ARMC2: variants seen among roughly 807,000 people sequenced by gnomAD.
ARMC2 encodes armadillo repeat-containing protein 2.
In ARMC2, 67 loss-of-function variants were observed where a neutral mutation model predicts 90.3. The observed-to-expected ratio is 0.74, with a 90% CI of 0.61 to 0.91. ARMC2 has a LOEUF of 0.91. Ranked by LOEUF, ARMC2 falls within the 40% of genes least tolerant of loss-of-function variation. The pLI is 0.00. For synonymous variants in ARMC2, 393 were observed against 393.0 expected (o/e 1.00, Z 0.00); for missense variants, 920 against 1,030.9 (o/e 0.89, Z 1.47).
intron 10 of ARMC2, among the ~76,000 whole-genome samples, chr6:108,918,482 A>AT (rs67505412): frequency 1.1e-3 from 164 of 146,622 alleles, no homozygotes; most frequent in East Asian, 2.2e-3. Flanking sequence ...GATATACTTG[A>AT]TTTTTTTTTT....
At chr6:108,908,764 AAG>A (rs772080818) in intron 8 of ARMC2, among the ~76,000 whole-genome samples, 1 of 151,766 alleles carries the variant, frequency 6.6e-6, no homozygotes, top group African/African-American at 2.4e-5. Context: ...AAAAAAAGAA[AAG>A]AGAGAGAGAG....
the ARMC2 span, among the ~76,000 whole-genome samples, chr6:109,025,573 T>G: frequency 6.7e-6 from 1 of 150,192 alleles, no homozygotes; most frequent in Non-Finnish European, 1.5e-5. Context: ...GAAGGCCAGT[T>G]CAATATGCTT....
intron 12 of ARMC2, among the ~76,000 whole-genome samples, chr6:108,950,532 C>A (rs183850238): frequency 6.6e-6 from 1 of 152,152 alleles, no homozygotes; most frequent in Non-Finnish European, 1.5e-5. Context: ...AACAGAAAAC[C>A]AAATACCACA....
the ARMC2 span, chr6:109,009,689 G>A: frequency 2.5e-6 from 1 of 398,424 alleles, no homozygotes; most frequent in Non-Finnish European, 3.5e-6. Flanking sequence ...CGCGGAGGCT[G>A]GGAACTGGCG....
intron 10 of ARMC2, among the ~76,000 whole-genome samples, chr6:108,927,778 A>T (rs1775224946): frequency 6.6e-6 from 1 of 152,154 alleles, no homozygotes; most frequent in Non-Finnish European, 1.5e-5. Flanking sequence ...TGGCTATCAC[A>T]GGGCCAGCTG....
intron 10 of ARMC2, among the ~76,000 whole-genome samples, chr6:108,921,033 C>T (rs1279889744): frequency 6.6e-6 from 1 of 152,196 alleles, no homozygotes; most frequent in African/African-American, 2.4e-5. Flanking sequence ...CTCCTCTCTT[C>T]ACTGTAGATC....
the ARMC2 span, among the ~76,000 whole-genome samples, chr6:108,992,037 A>C: frequency 6.6e-6 from 1 of 152,184 alleles, no homozygotes; most frequent in Non-Finnish European, 1.5e-5. Context: ...TGATGTCTTC[A>C]ATTTCTAATC....
intron 5 of ARMC2, among the ~76,000 whole-genome samples, chr6:108,889,729 G>A (rs967798359): frequency 1.6e-4 from 24 of 151,784 alleles, no homozygotes; most frequent in Non-Finnish European, 3.4e-4. Context: ...CATTACAGTC[G>A]TGAGCCACCA....
the ARMC2 span, among the ~76,000 whole-genome samples, chr6:109,027,785 A>G: frequency 6.6e-6 from 1 of 152,052 alleles, no homozygotes; most frequent in East Asian, 1.9e-4. Context: ...GCAATATCTC[A>G]TTGTGATTTT....
downstream of ARMC2, among the ~76,000 whole-genome samples, chr6:108,976,252 T>C (rs1303409492): frequency 5.3e-5 from 8 of 152,238 alleles, no homozygotes; most frequent in Non-Finnish European, 1.0e-4. Flanking sequence ...CACCATTTAT[T>C]AAATAGGGAA....
chr6:108,870,102 T>A (rs937449276), intron 4 of ARMC2, among the ~76,000 whole-genome samples: 6 of 152,112 alleles, frequency 3.9e-5, no homozygotes, highest in Non-Finnish European at 7.3e-5. Context: ...GAACTGGTTC[T>A]CCCTCCATCA....
intron 10 of ARMC2, among the ~76,000 whole-genome samples, chr6:108,914,144 CTG>C (rs1396095326): frequency 6.6e-6 from 1 of 152,050 alleles, no homozygotes; most frequent in Non-Finnish European, 1.5e-5. Context: ...AACTATATCA[CTG>C]TGTGTGTATG....
At chr6:108,880,841 C>T (rs925576009) in intron 5 of ARMC2, among the ~76,000 whole-genome samples, 1 of 150,180 alleles carries the variant, frequency 6.7e-6, no homozygotes, top group African/African-American at 2.4e-5. Context: ...CTCCCTCCTT[C>T]CTTCCTTCCT....
In ARMC2 at chr6:108,953,117, G is replaced by A. The variant is rs2128505039; in HGVS notation, c.1681G>A (p.Gly561Arg). The change falls in exon 13 of 18, where the codon GGG becomes AGG. Residue 561 changes from glycine to arginine, a missense_variant. Coordinates refer to ENST00000392644, the MANE Select transcript of ARMC2 (RefSeq NM_032131.6). ...TCGTGAACAATTTTCCAAAGAGAAAGGGAGCATCCAAACTCTGCTGTCATT... is the reference window on the plus strand; with the variant it reads ...TCGTGAACAATTTTCCAAAGAGAAAAGGAGCATCCAAACTCTGCTGTCATT... Reference protein sequence around the residue: ...QAREQFSKEKGSIQTLLSLFQ... With the variant: ...QAREQFSKEKRSIQTLLSLFQ... The A allele has an allele frequency of 1.9e-6, 3 of 1,613,978 alleles. No individual in the cohort carries two copies. The highest frequency in any genetic ancestry group is 2.5e-6 in the Non-Finnish European group (3 of 1,179,884).
chr6:108,908,139 G>GC (rs1772986308), intron 8 of ARMC2, among the ~76,000 whole-genome samples: 1 of 48,486 alleles, frequency 2.1e-5, no homozygotes, highest in African/African-American at 5.1e-5. Flanking sequence ...CGGTAGTGCT[G>GC]GGGGGGGCCT....
chr6:108,857,726 T>C (rs1479497331), intron 2 of ARMC2, among the ~76,000 whole-genome samples: 4 of 152,198 alleles, frequency 2.6e-5, no homozygotes, highest in Non-Finnish European at 5.9e-5. Context: ...AAATGCTTTT[T>C]CTGTATCTGC....
At chr6:108,922,122 C>T (rs1336173148) in intron 10 of ARMC2, among the ~76,000 whole-genome samples, 3 of 152,158 alleles carry the variant, frequency 2.0e-5, no homozygotes, top group African/African-American at 7.2e-5. Context: ...AAGAGAGGGC[C>T]GTCCACTCTG....
intron 7 of ARMC2, among the ~76,000 whole-genome samples, chr6:108,901,817 A>G (rs1456275818): frequency 6.6e-6 from 1 of 152,156 alleles, no homozygotes; most frequent in Non-Finnish European, 1.5e-5. Context: ...TGTCCCAATA[A>G]TTTCCTTTGT....
At chr6:109,000,374 G>T in the ARMC2 span, 1 of 703,558 alleles carries the variant, frequency 1.4e-6, no homozygotes, top group Non-Finnish European at 2.2e-6. Context: ...TGTGGGAAGA[G>T]ATTCAGGGGG....
Sources: allele counts gnomAD v4.1 joint callset (sites outside exome capture counted in the v4.1 genomes callset), GRCh38; gene constraint gnomAD v4.1.1; transcripts MANE v1.5; gene names NCBI Gene and HGNC (gene_info 2026-07-23, HGNC 2026-07-21).